ECM2: variants seen among roughly 807,000 people sequenced by gnomAD.
ECM2 encodes the protein extracellular matrix protein 2, also known as extracellular matrix protein 2, female organ and adipocyte specific.
Under a neutral mutation model 67.5 loss-of-function variants are expected in ECM2, and 57 were observed. That is an observed-to-expected ratio of 0.84 (90% CI 0.68 to 1.05). The LOEUF (loss-of-function observed/expected upper bound fraction) is 1.05. Among genes scored for constraint, ECM2 ranks in the 50% least tolerant of loss-of-function variants. ECM2 has a pLI of 0.00. For synonymous variants in ECM2, 258 were observed against 294.5 expected (o/e 0.88, Z 1.27); for missense variants, 741 against 822.8 (o/e 0.90, Z 1.22).
At chr9:92,528,520 G>T (rs1848550742) in intron 1 of ECM2, among the ~76,000 whole-genome samples, 1 of 150,414 alleles carries the variant, frequency 6.6e-6, no homozygotes, top group Admixed American at 6.6e-5. Flanking sequence ...ACTGGGAAAA[G>T]AACTAACCTA....
chr9:92,522,477 T>C (rs1848134634), intron 2 of ECM2, 98 bp downstream of exon 2: 2 of 1,200,106 alleles, frequency 1.7e-6, no homozygotes, highest in Admixed American at 3.2e-5. Flanking sequence ...ATTATCTTCA[T>C]GGAGATGTTC....
At chr9:92,546,891 A>G in the ECM2 span, among the ~76,000 whole-genome samples, 5 of 152,326 alleles carry the variant, frequency 3.3e-5, no homozygotes, top group South Asian at 2.1e-4. Flanking sequence ...ATCTTCCCAC[A>G]AGAGATACCA....
At chr9:92,501,185 T>C (rs1212496107) in intron 8 of ECM2, 132 bp from the exon 9 acceptor site, 1 of 896,894 alleles carries the variant, frequency 1.1e-6, no homozygotes, top group Non-Finnish European at 1.7e-6. Flanking sequence ...TGATTCCAAA[T>C]AGGAACTTTT....
chr9:92,496,717 T>C (rs1231569273), intron 9 of ECM2, among the ~76,000 whole-genome samples: 3 of 152,216 alleles, frequency 2.0e-5, no homozygotes, highest in African/African-American at 7.2e-5. Context: ...GTATGTGATT[T>C]GAAAACCAGA....
In ECM2 at chr9:92,514,831, TCCTCCTCAC is replaced by T. The variant is rs762598771; in HGVS notation, c.845_853del (p.Gly282_Glu284del). The stretch of plus-strand genomic sequence containing the variant: ...TACCGGGTCCTCCTCGTCCTCCTCA[TCCTCCTCAC>T]CCTCCTCACCCTCCTCCTCCTCATC... On this transcript the variant is annotated inframe_deletion, in exon 4 of 10. Transcript: ENST00000344604. The T allele has an allele frequency of 6.2e-5, 100 of 1,611,926 alleles. No homozygotes were observed. The highest frequency in any genetic ancestry group is 4.8e-4 in the South Asian group (44 of 90,788).
At chr9:92,552,056 A>G in the ECM2 span, among the ~76,000 whole-genome samples, 1 of 133,174 alleles carries the variant, frequency 7.5e-6, no homozygotes, top group Admixed American at 7.4e-5. Context: ...TAGGTCTATC[A>G]TATATGTGAT....
chr9:92,496,171 T>C lies in ECM2; in HGVS notation c.*144A>G. ...ATACCTTTTAGGTATATTTTGGTTG[T>C]TCATCTGTGTGTTAGTGAATCAGGT... is the stretch of plus-strand genomic sequence containing the variant. On this transcript the variant is annotated 3_prime_UTR_variant, in exon 10 of 10. Transcript: ENST00000344604. The C allele has an allele frequency of 7.3e-7, 1 of 1,366,732 alleles. No individual in the cohort carries two copies. Among genetic ancestry groups the C allele is most frequent in the African/African-American group, 1.5e-5 (1 of 66,238 alleles). The allele number at this position is 1,366,732 out of a possible 1,614,324, so 84.7% of individuals were successfully genotyped here. A position where few individuals can be genotyped will look rare whatever the true frequency, so the allele number is the denominator to read the frequency against.
intron 1 of ECM2, 130 bp downstream of exon 1, chr9:92,535,803 C>T (rs78308189): frequency 3.3e-6 from 1 of 306,558 alleles, no homozygotes; most frequent in African/African-American, 2.3e-5. Flanking sequence ...ATAATGCATA[C>T]TTTGAACTTT....
At chr9:92,554,112 C>T in the ECM2 span, among the ~76,000 whole-genome samples, 1 of 151,946 alleles carries the variant, frequency 6.6e-6, no homozygotes, top group South Asian at 2.1e-4. Flanking sequence ...GAGTTTTAAT[C>T]GTAAAGCGAT....
chr9:92,542,750 G>A, the ECM2 span, among the ~76,000 whole-genome samples: 2 of 152,158 alleles, frequency 1.3e-5, no homozygotes, highest in African/African-American at 4.8e-5. Context: ...CTGACCTCGT[G>A]ATCCACCGGC....
Position 92,514,669 on chromosome 9 carries a change from G to C in ECM2, c.1016C>G (p.Pro339Arg). 1.2e-6 allele frequency: 2 copies of C among 1,603,958 alleles called. No individual in the cohort carries two copies. The highest frequency in any genetic ancestry group is 1.7e-6 in the Non-Finnish European group (2 of 1,173,482). Reference sequence around the variant, plus strand: ...ACTTGTTATCTGTGGTGCTGTCAGCGGTGGTATCTGGGTAAGCATGGCGTT... The same window carrying C: ...ACTTGTTATCTGTGGTGCTGTCAGCCGTGGTATCTGGGTAAGCATGGCGTT... ...CINAMLTQIP[P>R]LTAPQITSLE... Residue 339 changes from proline to arginine, a missense_variant, in exon 4 of 10, where the codon CCG becomes CGG. Coordinates refer to ENST00000344604, the MANE Select transcript of ECM2 (RefSeq NM_001393.4).
At chr9:92,540,089 A>G (rs572262205), upstream of ECM2, among the ~76,000 whole-genome samples, 54 of 152,356 alleles carry the variant, frequency 3.5e-4, no homozygotes, top group East Asian at 5.0e-3. Flanking sequence ...TTAAAATTTC[A>G]GTTTTCTATA....
At chr9:92,516,745 A>G (rs1372743527) in intron 3 of ECM2, 1 of 152,216 alleles carries the variant, frequency 6.6e-6, no homozygotes, top group Admixed American at 6.5e-5. Context: ...TTTCACTCCA[A>G]GGAATCCATT....
At chr9:92,538,111 T>C (rs573571309), upstream of ECM2, among the ~76,000 whole-genome samples, 2 of 152,278 alleles carry the variant, frequency 1.3e-5, no homozygotes, top group African/African-American at 4.8e-5. Flanking sequence ...AACACCTCTT[T>C]CTGTACAAAA....
At chr9:92,522,963 T>C in intron 1 of ECM2, 70 bp from the exon 2 acceptor site, 5 of 1,400,872 alleles carry the variant, frequency 3.6e-6, no homozygotes, top group Non-Finnish European at 4.7e-6. Flanking sequence ...CTTATATATT[T>C]GCTTGTATGC....
chr9:92,517,437 A>C (rs1490694454), intron 3 of ECM2: 1 of 596,960 alleles, frequency 1.7e-6, no homozygotes, highest in Non-Finnish European at 2.9e-6. Flanking sequence ...TGAGAGTCAA[A>C]TGTGGAATGT....
chr9:92,532,042 T>TTTTTTTTTA (rs1563990376), intron 1 of ECM2, among the ~76,000 whole-genome samples: 1 of 144,554 alleles, frequency 6.9e-6, no homozygotes, highest in Non-Finnish European at 1.5e-5. Context: ...TTATTTTTTT[T>TTTTTTTTTA]TTGAGATGAG....
chr9:92,509,821 A>C lies in ECM2; in HGVS notation c.1306+78T>G, dbSNP rs1588201881. 5.7e-6 allele frequency: 8 copies of C among 1,406,880 alleles called. No homozygotes were observed. In the East Asian group the frequency reaches 1.8e-4, roughly 32 times the overall value. The allele number at this position is 1,406,880 out of a possible 1,614,324, so 87.1% of individuals were successfully genotyped here. Reference sequence around the variant, plus strand: ...ATTTACTATTTATTCATTTGGCAATACAGTAAATAAAATTTCTACAGGACT... The same window carrying C: ...ATTTACTATTTATTCATTTGGCAATCCAGTAAATAAAATTTCTACAGGACT... On this transcript the variant is annotated intron_variant, in intron 6 of 9. Coordinates refer to ENST00000344604, the MANE Select transcript of ECM2 (RefSeq NM_001393.4).
At chr9:92,521,480 A>C (rs1240634806) in intron 2 of ECM2, among the ~76,000 whole-genome samples, 3 of 152,182 alleles carry the variant, frequency 2.0e-5, no homozygotes, top group African/African-American at 7.2e-5. Context: ...ATTTCTGTTA[A>C]ATACATGGAA....
Sources: gnomAD v4.1 joint callset for allele counts (sites outside exome capture counted in the v4.1 genomes callset) on GRCh38, gnomAD v4.1.1 for gene constraint, MANE v1.5 for transcripts, NCBI Gene and HGNC (gene_info 2026-07-23, HGNC 2026-07-21) for gene names.